EDIL3: variants seen among roughly 807,000 people sequenced by gnomAD.
EDIL3 encodes EGF-like repeat and discoidin I-like domain-containing protein 3.
Under a neutral mutation model 67.4 loss-of-function variants are expected in EDIL3, and 37 were observed. That is an observed-to-expected ratio of 0.55 (90% confidence interval 0.42 to 0.72). The LOEUF is 0.72. EDIL3 is among the 30% of genes least tolerant of loss of function. The pLI is 0.00. For missense variants in EDIL3, 527 were observed against 586.3 expected, an observed-to-expected ratio of 0.90 and a Z score of 1.04; for synonymous variants, 195 against 196.3, an observed-to-expected ratio of 0.99 and a Z score of 0.05.
At chr5:84,254,252 T>C (rs1293895684) in intron 1 of EDIL3, 40 bp from the exon 2 acceptor site, 1 of 1,582,818 alleles carries the variant, frequency 6.3e-7, no homozygotes, top group Non-Finnish European at 8.6e-7. Flanking sequence ...ATTTTTTTTT[T>C]GTCTTGGACA....
At chr5:84,281,440 T>C (rs1473144204) in intron 1 of EDIL3, among the ~76,000 whole-genome samples, 1 of 152,252 alleles carries the variant, frequency 6.6e-6, no homozygotes, top group Non-Finnish European at 1.5e-5. Flanking sequence ...TAGTGCATTT[T>C]AGATCTTGTT....
At chr5:83,985,697 T>C (rs1350278925) in intron 9 of EDIL3, among the ~76,000 whole-genome samples, 1 of 152,054 alleles carries the variant, frequency 6.6e-6, no homozygotes, top group Non-Finnish European at 1.5e-5. Flanking sequence ...GATTGTTTTA[T>C]TCATTTTGCC....
intron 1 of EDIL3, among the ~76,000 whole-genome samples, chr5:84,276,582 T>A (rs548559584): frequency 1.3e-5 from 2 of 152,252 alleles, no homozygotes; most frequent in East Asian, 3.9e-4. Flanking sequence ...TTATTTTTTT[T>A]AATTGAGATG....
intron 5 of EDIL3, among the ~76,000 whole-genome samples, chr5:84,123,081 C>G (rs774669786): frequency 6.6e-6 from 1 of 151,826 alleles, no homozygotes; most frequent in Non-Finnish European, 1.5e-5. Flanking sequence ...AATTTAATAA[C>G]TATTTTCACA....
intron 9 of EDIL3, among the ~76,000 whole-genome samples, chr5:84,012,364 A>G (rs1437960831): frequency 6.6e-6 from 1 of 152,178 alleles, no homozygotes; most frequent in African/African-American, 2.4e-5. Context: ...TTGTAATGAC[A>G]AAAATAATTC....
intron 5 of EDIL3, among the ~76,000 whole-genome samples, chr5:84,107,962 T>G (rs1352874091): frequency 4.0e-5 from 6 of 151,038 alleles, no homozygotes; most frequent in Admixed American, 4.0e-4. Context: ...AATTGTATTA[T>G]AAAAATATAC....
intron 3 of EDIL3, among the ~76,000 whole-genome samples, chr5:84,213,198 T>C (rs1019558590): frequency 3.9e-5 from 6 of 152,210 alleles, no homozygotes; most frequent in Admixed American, 3.9e-4. Context: ...GTGGTTTTTT[T>C]TTTTTGACGA....
intron 1 of EDIL3, among the ~76,000 whole-genome samples, chr5:84,316,372 C>T (rs1012177453): frequency 6.6e-6 from 1 of 152,142 alleles, no homozygotes; most frequent in African/African-American, 2.4e-5. Flanking sequence ...ACCCATCTCA[C>T]ATGCAAAGAC....
intron 9 of EDIL3, among the ~76,000 whole-genome samples, chr5:84,021,587 T>A (rs1745716969): frequency 6.6e-6 from 1 of 152,110 alleles, no homozygotes; most frequent in Admixed American, 6.6e-5. Flanking sequence ...TTTCAACTTT[T>A]AAAAATTTGT....
At chr5:84,256,857 G>A (rs1745132562) in intron 1 of EDIL3, among the ~76,000 whole-genome samples, 1 of 152,126 alleles carries the variant, frequency 6.6e-6, no homozygotes, top group African/African-American at 2.4e-5. Flanking sequence ...CTTCATAGAG[G>A]TGGCTACAGA....
intron 1 of EDIL3, among the ~76,000 whole-genome samples, chr5:84,343,327 T>C (rs1747163805): frequency 1.3e-5 from 2 of 152,064 alleles, no homozygotes; most frequent in African/African-American, 4.8e-5. Flanking sequence ...TTTTTTTTCA[T>C]GTGCTTGGCA....
At chr5:84,161,539 G>A (rs1426807532) in intron 4 of EDIL3, among the ~76,000 whole-genome samples, 1 of 151,786 alleles carries the variant, frequency 6.6e-6, no homozygotes, top group East Asian at 1.9e-4. Context: ...GTTTCTACCT[G>A]ATCCTGAATC....
intron 9 of EDIL3, among the ~76,000 whole-genome samples, chr5:84,025,142 G>A (rs972994709): frequency 1.3e-5 from 2 of 152,084 alleles, no homozygotes; most frequent in African/African-American, 4.8e-5. Context: ...TTGCTGCAGT[G>A]ACCTCGGCTA....
intron 10 of EDIL3, among the ~76,000 whole-genome samples, chr5:83,962,890 T>C (rs1300042006): frequency 1.3e-5 from 2 of 151,774 alleles, no homozygotes; most frequent in Non-Finnish European, 1.5e-5. Context: ...TATTTACATA[T>C]GTATTATGAG....
At chr5:84,040,278 C>T (rs1297938501) in intron 9 of EDIL3, among the ~76,000 whole-genome samples, 1 of 152,130 alleles carries the variant, frequency 6.6e-6, no homozygotes, top group African/African-American at 2.4e-5. Flanking sequence ...TATTAACGTG[C>T]ATCATGCACT....
At chr5:83,952,319 A>C (rs1296851942) in intron 10 of EDIL3, among the ~76,000 whole-genome samples, 1 of 151,836 alleles carries the variant, frequency 6.6e-6, no homozygotes, top group East Asian at 1.9e-4. Flanking sequence ...TTTATGATGA[A>C]AGTCTCCTTA....
At chr5:84,043,355 G>A (rs889581005) in intron 9 of EDIL3, among the ~76,000 whole-genome samples, 2 of 152,128 alleles carry the variant, frequency 1.3e-5, no homozygotes, top group Non-Finnish European at 2.9e-5. Flanking sequence ...TGATAACAAT[G>A]CTTTGGATTC....
chr5:84,030,179 C>T (rs980859031), intron 9 of EDIL3, among the ~76,000 whole-genome samples: 1 of 152,170 alleles, frequency 6.6e-6, no homozygotes, highest in Admixed American at 6.5e-5. Flanking sequence ...AGTTATGGTA[C>T]AAAGATACTT....
chr5:84,370,043 C>A (rs1009180462), intron 1 of EDIL3, among the ~76,000 whole-genome samples: 3 of 152,102 alleles, frequency 2.0e-5, no homozygotes, highest in Non-Finnish European at 4.4e-5. Flanking sequence ...TAAACAGGAG[C>A]AAAGTATTAG....
Sources: allele counts gnomAD v4.1 joint callset (sites outside exome capture counted in the v4.1 genomes callset), GRCh38; gene constraint gnomAD v4.1.1; transcripts MANE v1.5; gene names NCBI Gene and HGNC (gene_info 2026-07-23, HGNC 2026-07-21).